Variants in AKNA observed in about 807,000 individuals in gnomAD.
AKNA encodes the protein microtubule organization protein AKNA.
A neutral mutation model predicts 138.8 loss-of-function variants in AKNA; 67 were observed. That is an observed-to-expected ratio of 0.48 (90% CI 0.40 to 0.59). The LOEUF (loss-of-function observed/expected upper bound fraction) is 0.59, where lower values mean the gene tolerates loss of function less well. Ranked by LOEUF, AKNA falls within the 20% of genes least tolerant of loss-of-function variation. The probability of loss-of-function intolerance (pLI) is 0.00; values close to 1 mark genes in which losing one functional copy is unlikely to be tolerated. For synonymous variants in AKNA, 737 were observed against 754.4 expected, an observed-to-expected ratio of 0.98 and a Z score of 0.38; for missense variants, 1,813 against 1,880.4, an observed-to-expected ratio of 0.96 and a Z score of 0.66.
downstream of AKNA, chr9:114,330,840 G>T: frequency 6.2e-7 from 1 of 1,613,906 alleles, no homozygotes. Context: ...TCCAGCGGGA[G>T]AATGGGACCG....
Position 114,335,477 on chromosome 9 carries a change from G to C in AKNA, c.*1577C>G, listed in dbSNP as rs187662981. ...TAAATGGCAGGTGCTGTTTGCTACTGAAAGTACTGGAAGGCTGGGCGCCAT... is the reference window on the plus strand; with the variant it reads ...TAAATGGCAGGTGCTGTTTGCTACTCAAAGTACTGGAAGGCTGGGCGCCAT... On this transcript the variant is annotated 3_prime_UTR_variant, in exon 22 of 22. Coordinates refer to ENST00000374088, the MANE Select transcript of AKNA (RefSeq NM_001317950.2). The C allele has an allele frequency of 2.0e-5, 3 of 152,344 alleles. No individual in the cohort carries two copies. The highest frequency in any genetic ancestry group is 4.8e-5 in the African/African-American group (2 of 41,550). 9.4% of individuals were successfully genotyped at this position (152,344 alleles called of 1,614,324 possible).
Position 114,377,012 on chromosome 9 carries a change from G to C in AKNA, c.795C>G (p.Ser265=). 6.2e-7 allele frequency: 1 copy of C among 1,614,222 alleles called. No homozygotes were observed. The highest frequency in any genetic ancestry group is 8.5e-7 in the Non-Finnish European group (1 of 1,180,030). Residue 265 remains serine, a synonymous_variant, in exon 3 of 22, where the codon TCC becomes TCG. Coordinates refer to ENST00000374088, the MANE Select transcript of AKNA (RefSeq NM_001317950.2). ...ARATPMEFQD[S]SAPPAQSPQH... ...GCGGACTCTGGGCTGGGGGAGCTGAGGAGTCCTGGAATTCCATGGGGGTTG... is the reference window on the plus strand; with the variant it reads ...GCGGACTCTGGGCTGGGGGAGCTGACGAGTCCTGGAATTCCATGGGGGTTG...
upstream of AKNA, among the ~76,000 whole-genome samples, chr9:114,398,045 G>A (rs1390358626): frequency 2.6e-5 from 4 of 152,202 alleles, no homozygotes; most frequent in East Asian, 1.9e-4. The surrounding 1 kb of genome is among the most constrained non-coding windows in gnomAD (Gnocchi z 4.2). Context: ...ACAGCCCGAG[G>A]CCCCGCCAAG....
rs145780488 is a variant in AKNA, at chr9:114,376,973, A to C, written c.834T>G (p.Asp278Glu). The C allele has an allele frequency of 8.8e-4, 1,415 of 1,614,116 alleles. 27 individuals are homozygous for C. The East Asian group carries it at 0.029, about 33-fold the overall frequency. The part of the protein sequence containing the change: ...PPAQSPQHAT[D>E]RWRRETTRFF... The stretch of plus-strand genomic sequence containing the variant: ...ATCTGGTCGTTTCTCTCCTCCATCT[A>C]TCTGTGGCATGCTGCGGACTCTGGG... The change falls in exon 3 of 22, where the codon GAT becomes GAG. Residue 278 changes from aspartate to glutamate, a missense_variant. Transcript: ENST00000374088.
chr9:114,379,217 C>T (rs1833459692), intron 2 of AKNA, among the ~76,000 whole-genome samples: 1 of 152,208 alleles, frequency 6.6e-6, no homozygotes. Context: ...CCTATCACCC[C>T]TCACTGGGGC....
Position 114,364,413 on chromosome 9 carries a change from A to G in AKNA, c.1788+147T>C, listed in dbSNP as rs1468590771. On this transcript the variant is annotated intron_variant, in intron 7 of 21. Transcript: ENST00000374088. ...TGAAATAATGATCGTTATCATGGGA[A>G]GCTACTCAGGAACTGTTTGCTCTAA... The G allele has an allele frequency of 5.2e-6, 4 of 766,770 alleles. No individual in the cohort carries two copies. The East Asian group carries it at 9.8e-5, about 19-fold the overall frequency. 47.5% of individuals were successfully genotyped at this position (766,770 alleles called of 1,614,324 possible). A position where few individuals can be genotyped will look rare whatever the true frequency, so the allele number is the denominator to read the frequency against.
At chr9:114,356,326 C>A (rs112512803) in intron 13 of AKNA, among the ~76,000 whole-genome samples, 190 bp from the exon 14 acceptor site, 3 of 152,284 alleles carry the variant, frequency 2.0e-5, no homozygotes, top group African/African-American at 7.2e-5. Context: ...TGTTCACTGG[C>A]CAACCCAATA....
chr9:114,331,528 A>G, downstream of AKNA: 1 of 1,531,580 alleles, frequency 6.5e-7, no homozygotes, highest in Non-Finnish European at 9.0e-7. Context: ...CCATTGTGCC[A>G]TCCCATGTTC....
chr9:114,359,459 A>C (rs1230401519), intron 11 of AKNA, 135 bp downstream of exon 11: 1 of 1,527,834 alleles, frequency 6.5e-7, no homozygotes, highest in African/African-American at 1.4e-5. Context: ...AGTGGTATAC[A>C]TTCCACACTT....
rs1168486025 is a variant in AKNA, at chr9:114,347,769, C to A, written c.3353G>T (p.Gly1118Val). 13 of 1,542,494 alleles carry A rather than the reference C, an allele frequency of 8.4e-6. No individual in the cohort carries two copies. The highest frequency in any genetic ancestry group is 1.1e-5 in the Non-Finnish European group (13 of 1,143,034). The stretch of plus-strand genomic sequence containing the variant: ...GGTGGCTGGGGAGTCTGCTGGCCGG[C>A]CGCGGGTCCGGGCGGGGCGGTCAAA... ...SAFDRPARTRGRPADSPATWG... is the reference protein window; with the variant it reads ...SAFDRPARTRVRPADSPATWG... The change falls in exon 16 of 22, where the codon GGC (glycine) becomes GTC (valine). Residue 1118 changes from glycine (G) to valine (V), a missense_variant. Gly to Val is a moderately radical substitution (Grantham distance 109). Transcript: ENST00000374088.
At position 114,362,419 on chromosome 9, in the gene AKNA, A is replaced by G; in HGVS notation, c.1903T>C (p.Phe635Leu). 1 of 1,611,656 alleles carries G rather than the reference A, an allele frequency of 6.2e-7. No individual in the cohort carries two copies. Among genetic ancestry groups the G allele is most frequent in the South Asian group, 1.1e-5 (1 of 90,466 alleles). The change falls in exon 8 of 22, where the codon TTT (phenylalanine) becomes CTT (leucine). Residue 635 changes from phenylalanine to leucine, a missense_variant. By Grantham distance (22) the Phe-to-Leu change is conservative (BLOSUM62 0). Coordinates refer to ENST00000374088, the MANE Select transcript of AKNA (RefSeq NM_001317950.2). ...CCCAGCAGGTACCTGCGAGGATCAA[A>G]TCTTCCAGGCGTCCCCTTGGAGCCG... ...LAGSKGTPGRFDPRRELEAEI... is the reference protein window; with the variant it reads ...LAGSKGTPGRLDPRRELEAEI...
chr9:114,363,460 G>A (rs1832118080), intron 7 of AKNA, among the ~76,000 whole-genome samples: 1 of 152,228 alleles, frequency 6.6e-6, no homozygotes, highest in Non-Finnish European at 1.5e-5. Flanking sequence ...GCAAAAAAAT[G>A]AATGGTTTTA....
chr9:114,366,279 CA>C (rs35834810), intron 6 of AKNA, among the ~76,000 whole-genome samples: 2,051 of 127,724 alleles, frequency 0.016, 49 homozygotes, highest in African/African-American at 0.055. Flanking sequence ...GACTCTGTCT[CA>C]AAAAAAAAAA....
intron 17 of AKNA, among the ~76,000 whole-genome samples, chr9:114,346,315 T>C (rs1830682373): frequency 1.3e-5 from 2 of 152,190 alleles, no homozygotes; most frequent in African/African-American, 4.8e-5. Flanking sequence ...CAAGGACAAG[T>C]GGAGGGGAGC....
intron 17 of AKNA, among the ~76,000 whole-genome samples, 183 bp from the exon 18 acceptor site, chr9:114,346,192 C>T (rs902489): frequency 0.15 from 23,518 of 152,154 alleles, 5,755 homozygotes; most frequent in African/African-American, 0.52. Flanking sequence ...CTAGTCTAGA[C>T]GCTCTGTGTG....
At chr9:114,330,885 G>A (rs773932328), downstream of AKNA, 9 of 1,606,752 alleles carry the variant, frequency 5.6e-6, no homozygotes, top group East Asian at 6.7e-5. Context: ...CCTCAGGCAG[G>A]AGGGTTCACC....
chr9:114,397,219 G>T (rs2132168753), upstream of AKNA, among the ~76,000 whole-genome samples: 1 of 152,294 alleles, frequency 6.6e-6, no homozygotes, highest in African/African-American at 2.4e-5. Context: ...AACACCATAG[G>T]TTCCGCTCCC....
chr9:114,355,104 G>GT (rs1463343848), intron 14 of AKNA, among the ~76,000 whole-genome samples: 1 of 151,402 alleles, frequency 6.6e-6, no homozygotes, highest in Non-Finnish European at 1.5e-5. Context: ...CTGGCCTTAA[G>GT]TGATCCTCCC....
chr9:114,397,631 C>T (rs181505506), upstream of AKNA, among the ~76,000 whole-genome samples: 2 of 152,336 alleles, frequency 1.3e-5, no homozygotes, highest in African/African-American at 2.4e-5. Context: ...TCTAAGGTCA[C>T]GCAGCAAGCA....
Sources: allele counts gnomAD v4.1 joint callset (sites outside exome capture counted in the v4.1 genomes callset), GRCh38; gene constraint gnomAD v4.1.1; non-coding constraint Gnocchi (gnomAD v3.1); transcripts MANE v1.5; gene names NCBI Gene and HGNC (gene_info 2026-07-23, HGNC 2026-07-21).